ARHGAP32: variants seen among roughly 807,000 people sequenced by gnomAD.
ARHGAP32 encodes Rho GTPase activating protein 32.
In ARHGAP32, 51 loss-of-function variants were observed where a neutral mutation model predicts 186.5. The ratio of observed to expected loss-of-function variants is 0.27; its 90% CI spans 0.22 to 0.35. ARHGAP32 has a LOEUF of 0.35. Among genes scored for constraint, ARHGAP32 ranks in the 10% least tolerant of loss-of-function variants. The pLI is 1.00. For missense variants in ARHGAP32, 2,186 were observed against 2,623.5 expected (o/e 0.83, Z 3.64); for synonymous variants, 950 against 964.3 (o/e 0.99, Z 0.27).
chr11:129,216,669 TAAAAA>T (rs201308944), intron 1 of ARHGAP32, among the ~76,000 whole-genome samples: 10 of 119,104 alleles, frequency 8.4e-5, no homozygotes, highest in African/African-American at 2.3e-4. Flanking sequence ...AGACTGTCTT[TAAAAA>T]AAAAAAAAAA....
chr11:128,993,178 A>C lies in ARHGAP32; in HGVS notation c.1196-5053T>G, dbSNP rs530022812. ...AATCTCCCTATAAAGCTGATTTTTC[A>C]CTAGGAAATATTCAGAGAATTAACC... is the stretch of plus-strand genomic sequence containing the variant. On this transcript the variant is annotated intron_variant, in intron 12 of 22. Transcript: ENST00000682385. The C allele has an allele frequency of 2.0e-5, 3 of 152,344 alleles. No homozygotes were observed. The South Asian group carries it at 6.2e-4, about 32-fold the overall frequency. The allele number at this position is 152,344 out of a possible 1,614,324, so 9.4% of individuals were successfully genotyped here.
intron 6 of ARHGAP32, among the ~76,000 whole-genome samples, chr11:129,078,248 G>C (rs1173923286): frequency 6.6e-6 from 1 of 152,092 alleles, no homozygotes; most frequent in African/African-American, 2.4e-5. Context: ...CCATCCCTAG[G>C]GGAAGGGGGT....
At chr11:129,146,392 G>T (rs1201510815) in intron 2 of ARHGAP32, among the ~76,000 whole-genome samples, 1 of 151,974 alleles carries the variant, frequency 6.6e-6, no homozygotes, top group African/African-American at 2.4e-5. Flanking sequence ...GCTCTGTCTT[G>T]GCCAGGACAT....
At chr11:129,140,709 C>A (rs1943033082) in intron 2 of ARHGAP32, among the ~76,000 whole-genome samples, 2 of 152,130 alleles carry the variant, frequency 1.3e-5, no homozygotes, top group Admixed American at 1.3e-4. Context: ...GAGGAAGGAG[C>A]AAATTCTGCA....
chr11:129,218,026 C>T (rs1408842252), intron 1 of ARHGAP32, among the ~76,000 whole-genome samples: 3 of 152,178 alleles, frequency 2.0e-5, no homozygotes, highest in Admixed American at 2.0e-4. Context: ...ACCAACTACA[C>T]AGTGCTTGTA....
rs1942592778 is a variant in ARHGAP32 at position 129,123,827 on chromosome 11, T to C, written c.359+61A>G. 37 of 1,263,468 alleles carry C rather than the reference T, an allele frequency of 2.9e-5. No homozygotes were observed. The highest frequency in any genetic ancestry group is 5.2e-5 in the Admixed American group (2 of 38,800). 78.3% of individuals were successfully genotyped at this position (1,263,468 alleles called of 1,614,324 possible). A position where few individuals can be genotyped will look rare whatever the true frequency, so the allele number is the denominator to read the frequency against. ...TATTTTCGGCAAATGTTATGGAAAC[T>C]GTGGACAGCCAGCTTCTAACCAGAA... On this transcript the variant is annotated intron_variant, in intron 4 of 22. Coordinates refer to ENST00000682385, the MANE Select transcript of ARHGAP32 (RefSeq NM_001378024.1). This position sits in a 1 kb window ranked among gnomAD's most constrained non-coding sequence, Gnocchi z 4.6.
chr11:129,001,260 T>A (rs989692167), intron 11 of ARHGAP32, among the ~76,000 whole-genome samples: 11 of 152,118 alleles, frequency 7.2e-5, no homozygotes, highest in Non-Finnish European at 1.2e-4. Context: ...TGTAAAAGGG[T>A]TCCCTTTTCT....
intron 10 of ARHGAP32, among the ~76,000 whole-genome samples, chr11:129,048,645 A>C (rs1363464066): frequency 6.6e-6 from 1 of 152,212 alleles, no homozygotes; most frequent in Non-Finnish European, 1.5e-5. Context: ...ATGGGCAAAA[A>C]CTGGGAGGAA....
intron 12 of ARHGAP32, among the ~76,000 whole-genome samples, chr11:128,991,946 T>A (rs1247944121): frequency 1.3e-5 from 2 of 152,132 alleles, no homozygotes; most frequent in Non-Finnish European, 2.9e-5. Flanking sequence ...CACTCATCAA[T>A]CATGTATTTA....
rs199633352 is a variant in ARHGAP32 at position 128,969,733 on chromosome 11, C to T, written c.5480G>A (p.Arg1827His). The change falls in exon 23 of 23, where the codon CGC becomes CAC. Residue 1827 changes from arginine to histidine, a missense_variant. Transcript: ENST00000682385. This position sits in a 1 kb window ranked among gnomAD's most constrained non-coding sequence, Gnocchi z 4.8. ...GGGACTGATGGCCTTGGCTGCATGGCGGCTCTCCTTTCCTTCTGCCACTGA... is the reference window on the plus strand; with the variant it reads ...GGGACTGATGGCCTTGGCTGCATGGTGGCTCTCCTTTCCTTCTGCCACTGA... ...LLSVAEGKES[R>H]HAAKAISPEG... The T allele has an allele frequency of 6.3e-5, 101 of 1,614,040 alleles. No homozygotes were observed. The highest frequency in any genetic ancestry group is 7.7e-5 in the South Asian group (7 of 91,090).
At chr11:129,134,799 C>T (rs1411637075) in intron 2 of ARHGAP32, among the ~76,000 whole-genome samples, 1 of 152,146 alleles carries the variant, frequency 6.6e-6, no homozygotes, top group East Asian at 1.9e-4. Flanking sequence ...ATAAAAGAGG[C>T]ATGAGCTGTG....
intron 11 of ARHGAP32, among the ~76,000 whole-genome samples, chr11:129,013,146 A>T (rs1938167265): frequency 6.6e-6 from 1 of 152,212 alleles, no homozygotes; most frequent in African/African-American, 2.4e-5. Flanking sequence ...GGCGCAATTA[A>T]GTAAGAGTTG....
chr11:129,068,963 G>A (rs1940786529), intron 6 of ARHGAP32, among the ~76,000 whole-genome samples: 1 of 152,034 alleles, frequency 6.6e-6, no homozygotes, highest in Non-Finnish European at 1.5e-5. Flanking sequence ...GTATGTGAAA[G>A]AACAAGTATG....
At chr11:129,128,827 T>C (rs1265117962) in intron 2 of ARHGAP32, among the ~76,000 whole-genome samples, 1 of 152,212 alleles carries the variant, frequency 6.6e-6, no homozygotes, top group Non-Finnish European at 1.5e-5. Context: ...GCAAGTGATC[T>C]GCCTGCCTCG....
At chr11:128,998,115 C>T (rs1946251641) in intron 12 of ARHGAP32, among the ~76,000 whole-genome samples, 2 of 152,156 alleles carry the variant, frequency 1.3e-5, no homozygotes, top group Admixed American at 6.5e-5. Context: ...GAATAGAACA[C>T]GAACATCTCT....
chr11:128,981,431 T>G lies in ARHGAP32; in HGVS notation c.1765A>C (p.Met589Leu). Residue 589 changes from methionine (M) to leucine (L), a missense_variant, in exon 17 of 23, where the codon ATG (methionine) becomes CTG (leucine). Met to Leu is a conservative substitution (Grantham distance 15). Coordinates refer to ENST00000682385, the MANE Select transcript of ARHGAP32 (RefSeq NM_001378024.1). ...VLFSGRISMA[M>L]QEGAASLSRP... is the part of the protein sequence containing the mutation. ...GGAGCCGTACCTGCCCCCTCTTGCA[T>G]GGCCATGCTGATTCTGCCGCTGAAC... 1 of 1,606,708 alleles carries G rather than the reference T, an allele frequency of 6.2e-7. No individual in the cohort carries two copies. The highest frequency in any genetic ancestry group is 8.5e-7 in the Non-Finnish European group (1 of 1,175,004).
chr11:129,236,459 T>C (rs936475477), intron 1 of ARHGAP32, among the ~76,000 whole-genome samples: 1 of 152,204 alleles, frequency 6.6e-6, no homozygotes, highest in Non-Finnish European at 1.5e-5. Flanking sequence ...CTTTGTAGAT[T>C]CTGAATATTA....
intron 11 of ARHGAP32, among the ~76,000 whole-genome samples, chr11:129,019,718 G>A (rs1938514686): frequency 6.6e-6 from 1 of 152,054 alleles, no homozygotes; most frequent in South Asian, 2.1e-4. Context: ...CATGTAGTAA[G>A]CATAAAATGT....
intron 1 of ARHGAP32, among the ~76,000 whole-genome samples, chr11:129,231,311 T>C (rs558785570): frequency 1.3e-5 from 2 of 152,260 alleles, no homozygotes; most frequent in African/African-American, 4.8e-5. Flanking sequence ...TGATTACAGA[T>C]GAAATCTCAG....
Sources: allele counts gnomAD v4.1 joint callset (sites outside exome capture counted in the v4.1 genomes callset), GRCh38; gene constraint gnomAD v4.1.1; non-coding constraint Gnocchi (gnomAD v3.1); transcripts MANE v1.5; gene names NCBI Gene and HGNC (gene_info 2026-07-23, HGNC 2026-07-21).